The following BTK variants were observed in gnomAD, a reference collection of about 807,000 sequenced individuals.
The protein encoded by BTK is tyrosine-protein kinase BTK.
Under a neutral mutation model 57.4 loss-of-function variants are expected in BTK, and 5 were observed. The ratio of observed to expected loss-of-function variants is 0.09; its 90% confidence interval spans 0.05 to 0.18. The LOEUF is 0.18. Among genes scored for constraint, BTK ranks in the 10% least tolerant of loss-of-function variants. The pLI, the probability that BTK is intolerant of heterozygous loss-of-function variation, is 1.00. For missense variants in BTK, 194 were observed against 501.2 expected (o/e 0.39, Z 5.85); for synonymous variants, 154 against 174.3 (o/e 0.88, Z 0.92).
intron 16 of BTK, 112 bp downstream of exon 16, chrX:101,354,518 C>G: frequency 1.3e-6 from 1 of 797,750 alleles, no homozygotes; most frequent in Non-Finnish European, 1.9e-6. Flanking sequence ...CGGCAGAAAA[C>G]GCTAGAATGA....
At chrX:101,376,925 C>T (rs782246826) in intron 1 of BTK, among the ~76,000 whole-genome samples, 182 of 111,185 alleles carry the variant, frequency 1.6e-3, no homozygotes, top group Non-Finnish European at 1.8e-3. Context: ...TTTGCTCTTT[C>T]CTGTGGTGTA....
intron 7 of BTK, 70 bp downstream of exon 7, chrX:101,362,103 C>G (rs1926689449): frequency 9.6e-7 from 1 of 1,038,108 alleles, no homozygotes; most frequent in African/African-American, 1.8e-5. Context: ...TTCTAAGACT[C>G]TAGTGTGTTC....
intron 1 of BTK, among the ~76,000 whole-genome samples, chrX:101,376,781 GC>G (rs1230505662): frequency 2.7e-5 from 3 of 111,241 alleles, no homozygotes; most frequent in Admixed American, 9.6e-5. Flanking sequence ...AACTCCTTAT[GC>G]TTTTGGTGGC....
At chrX:101,362,906 C>T in intron 5 of BTK, 1 of 460,229 alleles carries the variant, frequency 2.2e-6, no homozygotes, top group Non-Finnish European at 3.8e-6. Flanking sequence ...CTTTAGTGGT[C>T]TGTGATGAGG....
chrX:101,363,687 CAG>C (rs1373585644), intron 5 of BTK, among the ~76,000 whole-genome samples: 1 of 102,303 alleles, frequency 9.8e-6, no homozygotes, highest in East Asian at 3.0e-4. Flanking sequence ...GCCTGGGTGA[CAG>C]TGTGAGACTC....
At chrX:101,378,088 T>TTA (rs1185274287) in intron 1 of BTK, 24 of 107,721 alleles carry the variant, frequency 2.2e-4, no homozygotes, top group African/African-American at 7.9e-4. Flanking sequence ...GCCCCATTTT[T>TTA]TTTTTTTTTT....
At position 101,353,209 on chromosome X, in the gene BTK, G is replaced by C; in HGVS notation, c.1893C>G (p.Tyr631Ter). ...LASEKVYTIM[Y>*]SCWHEKADER... The stretch of plus-strand genomic sequence containing the variant: ...AAGCACTTACCTCATGCCAGCAACT[G>C]TACATGATGGTATATACCTTCTCTG... The change falls in exon 18 of 19, where the codon TAC becomes TAG. Residue 631 changes from tyrosine (Y) to a stop codon, truncating the protein, a stop_gained. Transcript: ENST00000308731. LOFTEE classifies it high-confidence loss of function. 1 of 1,209,927 alleles carries C rather than the reference G, an allele frequency of 8.3e-7. No individual in the cohort carries two copies. Among genetic ancestry groups the C allele is most frequent in the Non-Finnish European group, 1.1e-6 (1 of 894,417 alleles).
At chrX:101,375,081 A>G (rs145918556) in intron 2 of BTK, 63 bp downstream of exon 2, 2 of 1,193,423 alleles carry the variant, frequency 1.7e-6, no homozygotes, top group African/African-American at 3.5e-5. Context: ...CTCTTCCCCA[A>G]GAAAGATCTA....
At chrX:101,365,461 T>C (rs1442212371) in intron 5 of BTK, among the ~76,000 whole-genome samples, 1 of 112,145 alleles carries the variant, frequency 8.9e-6, no homozygotes, top group Non-Finnish European at 1.9e-5. Context: ...CCTTCTTTTG[T>C]TGGCTAATCC....
chrX:101,384,004 G>A (rs1927534916), intron 1 of BTK, among the ~76,000 whole-genome samples: 1 of 111,660 alleles, frequency 9.0e-6, no homozygotes, highest in Non-Finnish European at 1.9e-5. Context: ...CTGTGTCACT[G>A]AAAATTCTAG....
At position 101,358,786 on chromosome X, in the gene BTK, A is replaced by C; in HGVS notation, c.895-90T>G. On this transcript the variant is annotated intron_variant, in intron 10 of 18. Coordinates refer to ENST00000308731, the MANE Select transcript of BTK (RefSeq NM_000061.3). ...CCAAACTTGAGAGAGAAAATAGAAC[A>C]ACCCCTGATTTTACTGCCAAGTTCC... 4 of 755,730 alleles carry C rather than the reference A, an allele frequency of 5.3e-6. No individual in the cohort carries two copies. The South Asian group carries it at 8.4e-5, about 16-fold the overall frequency. 62.3% of individuals were successfully genotyped at this position (755,730 alleles called of 1,213,427 possible).
intron 5 of BTK, among the ~76,000 whole-genome samples, chrX:101,366,851 T>G (rs782637071): frequency 1.2e-4 from 14 of 112,643 alleles, no homozygotes; most frequent in Non-Finnish European, 2.2e-4. Flanking sequence ...TTTCTGTTTA[T>G]TTATTTTGGC....
chrX:101,351,570 C>T (rs970463321), intron 18 of BTK, among the ~76,000 whole-genome samples: 1 of 111,399 alleles, frequency 9.0e-6, no homozygotes, highest in South Asian at 3.8e-4. Flanking sequence ...TTTCACCTCA[C>T]CAAGAAGGCT....
chrX:101,388,812 G>A (rs1021029753), upstream of BTK, among the ~76,000 whole-genome samples: 2 of 111,913 alleles, frequency 1.8e-5, no homozygotes, highest in African/African-American at 6.5e-5. Flanking sequence ...AGGTGACATT[G>A]AGGCTTCCTT....
intron 4 of BTK, among the ~76,000 whole-genome samples, chrX:101,371,302 TAGTC>T (rs1927022686): frequency 8.9e-6 from 1 of 112,143 alleles, no homozygotes; most frequent in African/African-American, 3.2e-5. Context: ...ATTAGACAGA[TAGTC>T]AGAACCAGAA....
chrX:101,384,601 G>A (rs1190025618), intron 1 of BTK, among the ~76,000 whole-genome samples: 3 of 43,243 alleles, frequency 6.9e-5, no homozygotes, highest in East Asian at 9.1e-4. Context: ...GTGAAACTCC[G>A]TGTCAAAAAA....
chrX:101,369,877 C>A, intron 5 of BTK, 121 bp downstream of exon 5: 2 of 634,264 alleles, frequency 3.2e-6, no homozygotes, highest in Non-Finnish European at 2.4e-6. Context: ...TTTCTCTCTA[C>A]GTTTCTCCTT....
intron 5 of BTK, among the ~76,000 whole-genome samples, chrX:101,364,973 C>T (rs2238988): frequency 0.096 from 10,649 of 110,840 alleles, 435 homozygotes; most frequent in African/African-American, 0.13. Context: ...AACTTCTGAC[C>T]TCGTGATTCA....
intron 13 of BTK, among the ~76,000 whole-genome samples, chrX:101,357,156 C>T (rs1410137239): frequency 9.0e-6 from 1 of 111,579 alleles, no homozygotes; most frequent in Non-Finnish European, 1.9e-5. Flanking sequence ...TCAAGGTGGC[C>T]ATAAGGCAAG....
Sources: gnomAD v4.1 joint callset for allele counts (sites outside exome capture counted in the v4.1 genomes callset) on GRCh38, gnomAD v4.1.1 for gene constraint, MANE v1.5 for transcripts, NCBI Gene and HGNC (gene_info 2026-07-23, HGNC 2026-07-21) for gene names.